Variants in WRN observed in about 807,000 individuals in gnomAD.
The protein encoded by WRN is WRN RecQ like helicase, also known as bifunctional 3'-5' exonuclease/ATP-dependent helicase WRN.
WRN carries 149 observed loss-of-function variants against 180.7 expected under a neutral mutation model. The ratio of observed to expected loss-of-function variants is 0.82; its 90% CI spans 0.72 to 0.94. WRN has a LOEUF of 0.94. WRN is among the 40% of genes least tolerant of loss of function. The pLI is 0.00. For synonymous variants in WRN, 548 were observed against 568.9 expected, an observed-to-expected ratio of 0.96 and a Z score of 0.52; for missense variants, 1,661 against 1,700.1, an observed-to-expected ratio of 0.98 and a Z score of 0.40.
Position 31,080,997 on chromosome 8 carries a change from A to G in WRN, c.970A>G (p.Thr324Ala), listed in dbSNP as rs1800390. ...NLNLLSFEDS[T>A]TGGVQQKQIR... The stretch of plus-strand genomic sequence containing the variant: ...AAACTTATTATCCTTTGAAGATTCA[A>G]CTACTGGGGGAGTACAACAGAAACA... Residue 324 changes from threonine (T) to alanine (A), a missense_variant, in exon 9 of 35, where the codon ACT becomes GCT. Thr to Ala is a moderately conservative substitution (Grantham distance 58, BLOSUM62 0). Around this residue, in one of 3 missense-constraint regions of WRN, gnomAD observed 500 missense variants for 504.1 expected, o/e 0.99. Transcript: ENST00000298139. The G allele has an allele frequency of 3.3e-3, 5,330 of 1,614,046 alleles. 32 individuals carry two copies. Among genetic ancestry groups the G allele is most frequent in the Middle Eastern group, 0.016 (99 of 6,060 alleles).
intron 1 of WRN, 76 bp from the exon 2 acceptor site, chr8:31,058,296 C>T: frequency 3.1e-6 from 2 of 649,430 alleles, no homozygotes; most frequent in Admixed American, 2.4e-5. Flanking sequence ...ATAACCTATG[C>T]TTGGACCTAG....
chr8:31,128,249 T>C lies in WRN; in HGVS notation c.2825+3249T>C, dbSNP rs79216815. Among the ~76,000 whole-genome samples the C allele has an allele frequency of 8.6e-3, 1,311 of 152,224 alleles. 20 individuals carry two copies. The highest frequency in any genetic ancestry group is 0.03 in the African/African-American group (1,262 of 41,524). On this transcript the variant is annotated intron_variant, in intron 23 of 34. Coordinates refer to ENST00000298139, the MANE Select transcript of WRN (RefSeq NM_000553.6). ...AATTAGTACACTGTAGAAAATTTGG[T>C]CAACATAGTAATAAGTTTGCTTATT...
chr8:31,096,916 T>G lies in WRN; in HGVS notation c.1981+66T>G, dbSNP rs1585449504. On this transcript the variant is annotated intron_variant, in intron 17 of 34. Transcript: ENST00000298139. ...TAATATTTAAAGTTAAACCTATGGA[T>G]GGACACTGGATTTCACTTCTGTTAA... The G allele has an allele frequency of 1.4e-5, 20 of 1,395,768 alleles. 1 individual carries two copies. The East Asian group carries it at 4.4e-4, about 30-fold the overall frequency. The allele number at this position is 1,395,768 out of a possible 1,614,324, so 86.5% of individuals were successfully genotyped here.
At chr8:31,164,303 CATACTATA>C (rs1309130013) in intron 33 of WRN, among the ~76,000 whole-genome samples, 1 of 152,140 alleles carries the variant, frequency 6.6e-6, no homozygotes, top group African/African-American at 2.4e-5. Context: ...TGAGGATATA[CATACTATA>C]ATAACGATTC....
intron 29 of WRN, 41 bp downstream of exon 29, chr8:31,147,169 A>C (rs990371970): frequency 1.9e-6 from 3 of 1,578,396 alleles, no homozygotes; most frequent in South Asian, 1.1e-5. Context: ...ATGATAGGAT[A>C]GTTATGATTC....
At chr8:31,159,711 G>T (rs1803534953) in intron 33 of WRN, among the ~76,000 whole-genome samples, 2 of 151,816 alleles carry the variant, frequency 1.3e-5, no homozygotes, top group East Asian at 3.9e-4. Flanking sequence ...AGGCCAAGAC[G>T]GGCAGATGAC....
chr8:31,038,557 AT>A (rs1811532373), intron 1 of WRN, among the ~76,000 whole-genome samples: 1 of 151,844 alleles, frequency 6.6e-6, no homozygotes, highest in Non-Finnish European at 1.5e-5. Flanking sequence ...TCACTTTTAA[AT>A]TTTTATAGAG....
chr8:31,161,183 A>G (rs1476774083), intron 33 of WRN, among the ~76,000 whole-genome samples: 1 of 152,070 alleles, frequency 6.6e-6, no homozygotes, highest in Non-Finnish European at 1.5e-5. Flanking sequence ...TTGTTATGTG[A>G]CCTCCATCAA....
intron 33 of WRN, among the ~76,000 whole-genome samples, chr8:31,164,859 T>G (rs1803787175): frequency 6.6e-6 from 1 of 152,164 alleles, no homozygotes; most frequent in African/African-American, 2.4e-5. Flanking sequence ...TCAGCACTTA[T>G]TTACATGGGA....
chr8:31,048,958 G>A (rs1304090488), intron 1 of WRN, among the ~76,000 whole-genome samples: 5 of 151,910 alleles, frequency 3.3e-5, no homozygotes, highest in African/African-American at 1.2e-4. Context: ...TGTCAGACTA[G>A]TTGTAAACCT....
At chr8:31,101,041 A>G (rs1814206981) in intron 18 of WRN, 86 bp downstream of exon 18, 1 of 1,114,458 alleles carries the variant, frequency 9.0e-7, no homozygotes. Flanking sequence ...GAAGCTGAAG[A>G]CTTCACTATA....
rs35758300 is a variant in WRN at position 31,143,515 on chromosome 8, CTT to C, written c.3310-29_3310-28del. 5.5e-6 allele frequency: 8 copies of C among 1,460,998 alleles called. No individual in the cohort carries two copies. In the South Asian group the frequency reaches 7.4e-5, roughly 14 times the overall value. 90.5% of individuals were successfully genotyped at this position (1,460,998 alleles called of 1,614,324 possible). ...CTTCACATTTAAAAGTTTTTTGAAA[CTT>C]TTTTTAATGGACCTTTATATGTTTA... is the stretch of plus-strand genomic sequence containing the variant. On this transcript the variant is annotated intron_variant, in intron 27 of 34. Coordinates refer to ENST00000298139, the MANE Select transcript of WRN (RefSeq NM_000553.6).
intron 18 of WRN, among the ~76,000 whole-genome samples, chr8:31,108,950 T>G (rs1227080175): frequency 6.6e-6 from 1 of 152,194 alleles, no homozygotes; most frequent in African/African-American, 2.4e-5. Flanking sequence ...GCCTCCAGTC[T>G]TTGGAATGTC....
chr8:31,143,351 T>G (rs992362655), intron 27 of WRN, among the ~76,000 whole-genome samples, 199 bp from the exon 28 acceptor site: 24 of 152,138 alleles, frequency 1.6e-4, no homozygotes, highest in African/African-American at 4.8e-4. Flanking sequence ...TTGGGAGAGA[T>G]AAGACATTGG....
intron 30 of WRN, among the ~76,000 whole-genome samples, chr8:31,148,265 T>TTAATGACACCACGTTAAA (rs746801459): frequency 2.6e-5 from 4 of 152,158 alleles, no homozygotes; most frequent in Non-Finnish European, 5.9e-5. Flanking sequence ...CTCCTCCTTC[T>TTAATGACACCACGTTAAA]TAATGACACC....
At chr8:31,124,066 A>G (rs1195397502) in intron 21 of WRN, among the ~76,000 whole-genome samples, 2 of 152,084 alleles carry the variant, frequency 1.3e-5, no homozygotes, top group African/African-American at 4.8e-5. Flanking sequence ...TAAAGGTTCA[A>G]ATTTGAGCTT....
Position 31,173,567 on chromosome 8 carries a change from T to TA in WRN, c.*466dup, listed in dbSNP as rs1397170172. ...ACTGTCTTTTGAAGAAGTTCTTAAA[T>TA]ACGTTGTTAAATGGTATTAGTTGAC... is the stretch of plus-strand genomic sequence containing the variant. On this transcript the variant is annotated 3_prime_UTR_variant, in exon 35 of 35. Transcript: ENST00000298139. The TA allele has an allele frequency of 5.5e-6, 1 of 181,748 alleles. No homozygotes were observed. Among genetic ancestry groups the TA allele is most frequent in the Non-Finnish European group, 1.2e-5 (1 of 85,658 alleles). The allele number at this position is 181,748 out of a possible 1,614,324, so 11.3% of individuals were successfully genotyped here.
chr8:31,172,819 T>G (rs917807500), intron 34 of WRN, among the ~76,000 whole-genome samples, 176 bp from the exon 35 acceptor site: 10 of 152,238 alleles, frequency 6.6e-5, no homozygotes, highest in African/African-American at 2.4e-4. Flanking sequence ...TGATTTTGTG[T>G]GTCTTATATT....
At position 31,147,355 on chromosome 8, in the gene WRN, T is replaced by C. The variant is rs374721924; in HGVS notation, c.3460-9T>C. ...TTTAAAAAGTGTTGTTTCTTTGTTT[T>C]TTGTTCAGATTGTGTTATATGGCAA... is the stretch of plus-strand genomic sequence containing the variant. On this transcript the variant is annotated splice_polypyrimidine_tract_variant and intron_variant, in intron 29 of 34. Coordinates refer to ENST00000298139, the MANE Select transcript of WRN (RefSeq NM_000553.6). 6.2e-6 allele frequency: 10 copies of C among 1,613,164 alleles called. No homozygotes were observed. The highest frequency in any genetic ancestry group is 8.5e-6 in the Non-Finnish European group (10 of 1,179,288).
Sources: gnomAD v4.1 joint callset for allele counts (sites outside exome capture counted in the v4.1 genomes callset) on GRCh38, gnomAD v4.1.1 for gene constraint, gnomAD v4.1.1 regional missense constraint, MANE v1.5 for transcripts, NCBI Gene and HGNC (gene_info 2026-07-23, HGNC 2026-07-21) for gene names.